Variants in PRH1 observed in about 807,000 individuals in gnomAD.
PRH1 encodes the protein proline rich protein HaeIII subfamily 1, also known as salivary acidic proline-rich phosphoprotein 1/2.
In PRH1, 7 loss-of-function variants were observed where a neutral mutation model predicts 7.9. The observed-to-expected ratio is 0.89, with a 90% CI of 0.50 to 1.67. The LOEUF (loss-of-function observed/expected upper bound fraction) is 1.67, where lower values mean the gene tolerates loss of function less well. Ranked by LOEUF, PRH1 falls within the 40% of genes most tolerant of loss-of-function variation. The pLI is 0.00. For missense variants in PRH1, 109 were observed against 223.6 expected, an observed-to-expected ratio of 0.49 and a Z score of 3.27; for synonymous variants, 45 against 80.8, an observed-to-expected ratio of 0.56 and a Z score of 2.38.
chr12:11,095,996 T>A (rs1341330832), intron 1 of PRH1, among the ~76,000 whole-genome samples: 2 of 112,900 alleles, frequency 1.8e-5, no homozygotes, highest in Non-Finnish European at 4.2e-5. Flanking sequence ...AATCTATCTT[T>A]TCCTCTAGTT....
intron 1 of PRH1, among the ~76,000 whole-genome samples, chr12:11,139,431 C>T (rs905993168): frequency 6.6e-6 from 1 of 152,164 alleles, no homozygotes; most frequent in Non-Finnish European, 1.5e-5. Context: ...TGTAGAGTTT[C>T]ATCACCAATG....
chr12:10,887,208 G>C (rs1336513686), upstream of PRH1, among the ~76,000 whole-genome samples: 2 of 152,158 alleles, frequency 1.3e-5, no homozygotes, highest in African/African-American at 4.8e-5. Flanking sequence ...GAACACTAAA[G>C]ATGGTTTGCC....
At chr12:10,964,431 AGAGT>A (rs1938402197) in intron 2 of PRH1, 1 of 234,470 alleles carries the variant, frequency 4.3e-6, no homozygotes, top group African/African-American at 2.3e-5. Flanking sequence ...TAGAAATTTG[AGAGT>A]TTCAGGTCTT....
At position 11,075,601 on chromosome 12, in the gene PRH1, C is replaced by T. The variant is rs1452077772; in HGVS notation, n.124-28413G>A. Among the ~76,000 whole-genome samples the T allele has an allele frequency of 2.6e-5, 3 of 114,568 alleles. 1 individual carries two copies. The highest frequency in any genetic ancestry group is 8.8e-5 in the African/African-American group (3 of 34,156). 75.2% of individuals were successfully genotyped at this position (114,568 alleles called of 152,430 possible). A position where few individuals can be genotyped will look rare whatever the true frequency, so the allele number is the denominator to read the frequency against. ...GGCCCTGTGCAAATATACCAGAATC[C>T]TTTATATGCTTTTCAAAAAGTATTA... On this transcript the variant is annotated intron_variant and non_coding_transcript_variant, in intron 1 of 4. Transcript: ENST00000541977.
intron 1 of PRH1, among the ~76,000 whole-genome samples, chr12:11,028,228 G>A (rs1008560666): frequency 7.9e-5 from 12 of 152,188 alleles, no homozygotes; most frequent in African/African-American, 2.9e-4. Context: ...TCTGCCTCAA[G>A]GAAACCCTGA....
At chr12:11,144,888 G>A (rs1293233817) in intron 1 of PRH1, among the ~76,000 whole-genome samples, 1 of 152,230 alleles carries the variant, frequency 6.6e-6, no homozygotes, top group Non-Finnish European at 1.5e-5. Flanking sequence ...TGTGTGTTCA[G>A]AAGAGGAGGG....
intron 2 of PRH1, among the ~76,000 whole-genome samples, chr12:10,957,904 A>C (rs992090459): frequency 6.6e-6 from 1 of 152,106 alleles, no homozygotes; most frequent in South Asian, 2.1e-4. Context: ...TAAAACCCCC[A>C]AAAAACAACA....
At chr12:11,164,117 C>T (rs984694256) in intron 1 of PRH1, among the ~76,000 whole-genome samples, 6 of 152,080 alleles carry the variant, frequency 3.9e-5, no homozygotes, top group Admixed American at 2.6e-4. Context: ...AAAGAATACC[C>T]GTATAACTGG....
intron 1 of PRH1, among the ~76,000 whole-genome samples, chr12:11,136,131 T>C (rs1197551746): frequency 6.6e-6 from 1 of 152,216 alleles, no homozygotes; most frequent in African/African-American, 2.4e-5. Context: ...CCATAATTTA[T>C]ATTGATTATT....
At chr12:11,033,458 GTCT>G (rs1180765591) in intron 1 of PRH1, among the ~76,000 whole-genome samples, 2 of 152,170 alleles carry the variant, frequency 1.3e-5, no homozygotes, top group Non-Finnish European at 2.9e-5. Flanking sequence ...GTTTTGAAGG[GTCT>G]TCTCCTGCAG....
chr12:10,997,039 C>T (rs1940289091), intron 1 of PRH1: 1 of 1,613,908 alleles, frequency 6.2e-7, no homozygotes, highest in Non-Finnish European at 8.5e-7. Context: ...TCCCCCAAAT[C>T]AGAATGAATG....
intron 2 of PRH1, among the ~76,000 whole-genome samples, chr12:10,899,003 G>A (rs970671274): frequency 5.3e-5 from 8 of 152,348 alleles, no homozygotes; most frequent in East Asian, 3.9e-4. Context: ...ATTTTAGAAC[G>A]TTAATATTTA....
chr12:11,051,814 T>C (rs1349849895), upstream of PRH1, among the ~76,000 whole-genome samples: 1 of 152,210 alleles, frequency 6.6e-6, no homozygotes, highest in Non-Finnish European at 1.5e-5. Flanking sequence ...TGCATGTACA[T>C]GTGATTCATT....
intron 1 of PRH1, among the ~76,000 whole-genome samples, chr12:11,066,788 G>A (rs1943839866): frequency 6.6e-6 from 1 of 151,622 alleles, no homozygotes; most frequent in Non-Finnish European, 1.5e-5. Context: ...TTTCTTCTAT[G>A]ATTCTCAGCA....
At chr12:11,064,257 G>A (rs1005728733) in intron 1 of PRH1, among the ~76,000 whole-genome samples, 1 of 152,160 alleles carries the variant, frequency 6.6e-6, no homozygotes, top group East Asian at 1.9e-4. Flanking sequence ...TTTGCACTGC[G>A]TGTAGGTGCA....
At chr12:10,894,864 T>G (rs1393525333) in intron 2 of PRH1, 1 of 152,190 alleles carries the variant, frequency 6.6e-6, no homozygotes, top group East Asian at 1.9e-4. Flanking sequence ...AAGAGGTAGG[T>G]GAAAGAAACA....
chr12:10,943,536 T>C (rs574385470), intron 2 of PRH1, among the ~76,000 whole-genome samples: 1 of 152,304 alleles, frequency 6.6e-6, no homozygotes, highest in East Asian at 1.9e-4. Flanking sequence ...ATTTACTCTG[T>C]TGATATTTTC....
At chr12:10,943,112 G>A (rs752829453) in intron 2 of PRH1, among the ~76,000 whole-genome samples, 3 of 152,144 alleles carry the variant, frequency 2.0e-5, no homozygotes, top group South Asian at 4.1e-4. Context: ...GGGTCCTCTC[G>A]CATTTCCTGA....
chr12:10,917,325 C>A (rs1949986719), intron 2 of PRH1, among the ~76,000 whole-genome samples: 1 of 119,166 alleles, frequency 8.4e-6, no homozygotes, highest in African/African-American at 2.5e-5. Context: ...GGGATTAATA[C>A]AATAATTAAG....
Sources: gnomAD v4.1 joint callset for allele counts (sites outside exome capture counted in the v4.1 genomes callset) on GRCh38, gnomAD v4.1.1 for gene constraint, MANE v1.5 for transcripts, NCBI Gene and HGNC (gene_info 2026-07-23, HGNC 2026-07-21) for gene names.